The following KLHDC10 variants were observed in gnomAD, a reference collection of about 807,000 sequenced individuals.
The protein encoded by KLHDC10 is kelch domain-containing protein 10.
In KLHDC10, 24 loss-of-function variants were observed where a neutral mutation model predicts 56.1. The observed-to-expected ratio is 0.43, with a 90% CI of 0.31 to 0.60. The LOEUF (loss-of-function observed/expected upper bound fraction) is 0.60, where lower values mean the gene tolerates loss of function less well. KLHDC10 is among the 20% of genes least tolerant of loss of function. The probability of loss-of-function intolerance (pLI) is 0.11; values close to 1 mark genes in which losing one functional copy is unlikely to be tolerated. For synonymous variants in KLHDC10, 188 were observed against 207.1 expected (o/e 0.91, Z 0.79); for missense variants, 349 against 567.0 (o/e 0.62, Z 3.91).
At chr7:130,084,830 C>G (rs1795660181) in intron 1 of KLHDC10, among the ~76,000 whole-genome samples, 1 of 151,394 alleles carries the variant, frequency 6.6e-6, no homozygotes, top group Admixed American at 6.6e-5. Context: ...AGATGACAGT[C>G]TCATCAAATG....
At chr7:130,105,738 TTC>T (rs1795998432) in intron 2 of KLHDC10, among the ~76,000 whole-genome samples, 1 of 152,214 alleles carries the variant, frequency 6.6e-6, no homozygotes, top group Non-Finnish European at 1.5e-5. Flanking sequence ...GCTGGCTGTA[TTC>T]TGTTTCTTGA....
At chr7:130,094,249 T>C (rs1795819484) in intron 1 of KLHDC10, among the ~76,000 whole-genome samples, 1 of 152,278 alleles carries the variant, frequency 6.6e-6, no homozygotes, top group East Asian at 1.9e-4. Flanking sequence ...TTTAATGTTA[T>C]TCCCTCAGTG....
intron 1 of KLHDC10, among the ~76,000 whole-genome samples, chr7:130,073,184 C>A (rs1795445756): frequency 6.6e-6 from 1 of 151,652 alleles, no homozygotes; most frequent in Admixed American, 6.6e-5. Flanking sequence ...GCCTGGGCAA[C>A]AAAGCAAGAC....
chr7:130,071,393 G>A (rs1231483660), intron 1 of KLHDC10, among the ~76,000 whole-genome samples: 2 of 152,186 alleles, frequency 1.3e-5, no homozygotes, highest in Admixed American at 6.6e-5. Context: ...GGATAATGGT[G>A]TCTAGGTTTT....
intron 2 of KLHDC10, among the ~76,000 whole-genome samples, chr7:130,099,198 C>T (rs78240936): frequency 0.014 from 2,168 of 152,238 alleles, 44 homozygotes; most frequent in African/African-American, 0.049. Context: ...CTTCCTGCTC[C>T]CTCAAGGTGG....
At chr7:130,092,719 CAA>C (rs1280119598) in intron 1 of KLHDC10, among the ~76,000 whole-genome samples, 1 of 152,162 alleles carries the variant, frequency 6.6e-6, no homozygotes, top group African/African-American at 2.4e-5. Flanking sequence ...ATGCTTGACT[CAA>C]AGAGGTAGAT....
chr7:130,115,483 A>G (rs929181928), intron 2 of KLHDC10, among the ~76,000 whole-genome samples: 7 of 152,092 alleles, frequency 4.6e-5, no homozygotes, highest in African/African-American at 1.7e-4. Flanking sequence ...TGGGAGGCCA[A>G]GGCAGGCTGA....
chr7:130,088,482 G>A (rs776380666), intron 1 of KLHDC10, among the ~76,000 whole-genome samples: 1 of 151,568 alleles, frequency 6.6e-6, no homozygotes, highest in African/African-American at 2.4e-5. Context: ...TACCATGTTG[G>A]CCAGGCTGGT....
At chr7:130,087,683 C>T (rs559740414) in intron 1 of KLHDC10, among the ~76,000 whole-genome samples, 1 of 151,958 alleles carries the variant, frequency 6.6e-6, no homozygotes, top group Admixed American at 6.6e-5. Context: ...ATGCTAACCA[C>T]AAATATTTTG....
chr7:130,091,792 T>A (rs1795776809), intron 1 of KLHDC10, among the ~76,000 whole-genome samples: 1 of 152,204 alleles, frequency 6.6e-6, no homozygotes, highest in East Asian at 1.9e-4. Flanking sequence ...CTGCTTACCC[T>A]TTTCTTGGGC....
At chr7:130,118,561 A>G (rs980410355) in intron 3 of KLHDC10, among the ~76,000 whole-genome samples, 3 of 152,218 alleles carry the variant, frequency 2.0e-5, no homozygotes, top group African/African-American at 7.2e-5. Context: ...AATTTCCATC[A>G]AGAACTTTTC....
intron 2 of KLHDC10, among the ~76,000 whole-genome samples, chr7:130,098,101 A>G (rs1795876198): frequency 6.6e-6 from 1 of 152,092 alleles, no homozygotes; most frequent in Admixed American, 6.6e-5. Flanking sequence ...TATTTTTGTC[A>G]CCTGAGCTCC....
At chr7:130,076,529 T>A (rs1247662164) in intron 1 of KLHDC10, among the ~76,000 whole-genome samples, 1 of 152,218 alleles carries the variant, frequency 6.6e-6, no homozygotes, top group East Asian at 1.9e-4. Flanking sequence ...CCTTTCCTAT[T>A]TTATTATTAT....
chr7:130,093,326 C>T (rs1795805393), intron 1 of KLHDC10, among the ~76,000 whole-genome samples: 1 of 149,048 alleles, frequency 6.7e-6, no homozygotes, highest in South Asian at 2.1e-4. Flanking sequence ...TGCCCTCAAG[C>T]AGTTCTCCTG....
chr7:130,128,889 A>AAAAAAAAAAAATATAT, intron 8 of KLHDC10, among the ~76,000 whole-genome samples: 1 of 66,954 alleles, frequency 1.5e-5, no homozygotes, highest in Non-Finnish European at 2.8e-5. Context: ...AAAAAAAAAA[A>AAAAAAAAAAAATATAT]ATATATATAT....
At position 130,120,390 on chromosome 7, in the gene KLHDC10, G is replaced by A. The variant is rs1796232823; in HGVS notation, c.476-359G>A. On this transcript the variant is annotated intron_variant, in intron 3 of 9. Coordinates refer to ENST00000335420, the MANE Select transcript of KLHDC10 (RefSeq NM_014997.4). This position sits in a 1 kb window ranked among gnomAD's most constrained non-coding sequence, Gnocchi z 5.1. ...TTTTCTGCAGAACTTTGTAGTATAG[G>A]CTATGTATCCCTTATCTGAAATGCT... Among the ~76,000 whole-genome samples the A allele has an allele frequency of 6.6e-6, 1 of 152,112 alleles. No individual in the cohort carries two copies. The highest frequency in any genetic ancestry group is 1.5e-5 in the Non-Finnish European group (1 of 68,010).
chr7:130,107,231 C>G (rs1796020448), intron 2 of KLHDC10, among the ~76,000 whole-genome samples: 1 of 152,122 alleles, frequency 6.6e-6, no homozygotes, highest in Non-Finnish European at 1.5e-5. Flanking sequence ...CAACCTTGTT[C>G]TGGAGTTTTC....
At chr7:130,077,901 G>A (rs965340345) in intron 1 of KLHDC10, among the ~76,000 whole-genome samples, 1 of 151,884 alleles carries the variant, frequency 6.6e-6, no homozygotes, top group Admixed American at 6.6e-5. Flanking sequence ...GTTTGAATAT[G>A]AGAATGCTAT....
At chr7:130,078,087 G>T (rs1286477742) in intron 1 of KLHDC10, among the ~76,000 whole-genome samples, 2 of 149,342 alleles carry the variant, frequency 1.3e-5, no homozygotes, top group African/African-American at 4.9e-5. Context: ...TTTTAAATAG[G>T]CCTGGCGTGT....
Sources: gnomAD v4.1 joint callset for allele counts (sites outside exome capture counted in the v4.1 genomes callset) on GRCh38, gnomAD v4.1.1 for gene constraint, Gnocchi (gnomAD v3.1) non-coding constraint, MANE v1.5 for transcripts, NCBI Gene and HGNC (gene_info 2026-07-23, HGNC 2026-07-21) for gene names.